Variants in DGKB observed in about 807,000 individuals in gnomAD.
The protein encoded by DGKB is 90 kDa diacylglycerol kinase.
Under a neutral mutation model 114.3 loss-of-function variants are expected in DGKB, and 67 were observed. The ratio of observed to expected loss-of-function variants is 0.59; its 90% CI spans 0.48 to 0.72. The LOEUF (loss-of-function observed/expected upper bound fraction) is 0.72. Among genes scored for constraint, DGKB ranks in the 30% least tolerant of loss-of-function variants. DGKB has a pLI of 0.00. For synonymous variants in DGKB, 398 were observed against 323.1 expected (o/e 1.23, Z -2.49); for missense variants, 907 against 975.2 (o/e 0.93, Z 0.93).
chr7:14,868,825 C>T (rs1180154150), intron 1 of DGKB, among the ~76,000 whole-genome samples: 1 of 152,078 alleles, frequency 6.6e-6, no homozygotes, highest in African/African-American at 2.4e-5. Flanking sequence ...GGCAATACTT[C>T]AGAATCTAGC....
intron 20 of DGKB, among the ~76,000 whole-genome samples, chr7:14,507,706 G>A (rs781329201): frequency 1.3e-5 from 2 of 152,114 alleles, no homozygotes; most frequent in Non-Finnish European, 2.9e-5. Context: ...GCTACGTCTT[G>A]CAGCATTCTA....
chr7:14,259,666 T>C (rs765735414), intron 23 of DGKB, among the ~76,000 whole-genome samples: 1 of 152,142 alleles, frequency 6.6e-6, no homozygotes, highest in Non-Finnish European at 1.5e-5. Context: ...CCTCAGGTGA[T>C]CCACCCACCT....
intron 2 of DGKB, among the ~76,000 whole-genome samples, chr7:14,830,763 G>C (rs552386677): frequency 1.4e-4 from 21 of 152,182 alleles, no homozygotes; most frequent in African/African-American, 4.8e-4. Context: ...GAGTTTTCAA[G>C]GCATTTTACA....
chr7:14,734,294 C>A (rs991973076), intron 5 of DGKB, among the ~76,000 whole-genome samples: 6 of 152,074 alleles, frequency 3.9e-5, no homozygotes, highest in African/African-American at 1.2e-4. Context: ...CCACCTCAGC[C>A]TCCGAAAGTG....
chr7:14,640,984 G>A (rs529080271), intron 13 of DGKB, among the ~76,000 whole-genome samples: 1 of 152,098 alleles, frequency 6.6e-6, no homozygotes, highest in Non-Finnish European at 1.5e-5. Context: ...ATTAGCTCTA[G>A]ATATATGCCT....
At chr7:14,183,680 T>C (rs1163368347) in intron 23 of DGKB, among the ~76,000 whole-genome samples, 2 of 152,208 alleles carry the variant, frequency 1.3e-5, no homozygotes, top group South Asian at 2.1e-4. Flanking sequence ...TTCAAGTCTT[T>C]ACATAGAATT....
At chr7:14,489,657 A>G (rs900113085) in intron 20 of DGKB, among the ~76,000 whole-genome samples, 4 of 152,204 alleles carry the variant, frequency 2.6e-5, no homozygotes, top group Non-Finnish European at 5.9e-5. Flanking sequence ...TCAAAACCTC[A>G]TGTGCGTTTG....
At chr7:14,343,938 A>AAT (rs970694620) in intron 22 of DGKB, among the ~76,000 whole-genome samples, 7 of 147,604 alleles carry the variant, frequency 4.7e-5, no homozygotes, top group Admixed American at 3.4e-4. Flanking sequence ...TATTATATAT[A>AAT]ATATATATAA....
At chr7:14,201,105 G>A (rs1246504800) in intron 23 of DGKB, among the ~76,000 whole-genome samples, 1 of 151,942 alleles carries the variant, frequency 6.6e-6, no homozygotes, top group Non-Finnish European at 1.5e-5. Flanking sequence ...CAGTTCTGGA[G>A]GCTGGAAATC....
At chr7:14,822,614 G>A (rs1007339027) in intron 2 of DGKB, among the ~76,000 whole-genome samples, 1 of 152,080 alleles carries the variant, frequency 6.6e-6, no homozygotes, top group Non-Finnish European at 1.5e-5. Flanking sequence ...GATATGTTTG[G>A]TCAAGCTGTT....
At chr7:14,364,415 GAAGA>G (rs1286698733) in intron 21 of DGKB, among the ~76,000 whole-genome samples, 1 of 151,158 alleles carries the variant, frequency 6.6e-6, no homozygotes, top group East Asian at 2.0e-4. Context: ...AAGAAAGAAG[GAAGA>G]AAGGAAGGAA....
At chr7:14,294,281 C>T (rs1031366835) in intron 23 of DGKB, among the ~76,000 whole-genome samples, 9 of 152,102 alleles carry the variant, frequency 5.9e-5, no homozygotes, top group Non-Finnish European at 1.2e-4. Flanking sequence ...CATCTGCAAC[C>T]TCAATTCTCC....
intron 1 of DGKB, among the ~76,000 whole-genome samples, chr7:14,872,064 G>A (rs1852550547): frequency 6.6e-6 from 1 of 152,026 alleles, no homozygotes; most frequent in African/African-American, 2.4e-5. Context: ...AGGGCAAAGT[G>A]GTGATTCACT....
chr7:14,274,534 T>A (rs1798718835), intron 23 of DGKB, among the ~76,000 whole-genome samples: 1 of 152,186 alleles, frequency 6.6e-6, no homozygotes, highest in Non-Finnish European at 1.5e-5. Flanking sequence ...TTTCTCACTC[T>A]GTATTGTTTC....
At chr7:14,680,231 A>T (rs1563888507) in intron 12 of DGKB, among the ~76,000 whole-genome samples, 2 of 151,826 alleles carry the variant, frequency 1.3e-5, no homozygotes, top group Non-Finnish European at 2.9e-5. Context: ...TGACTTATTT[A>T]TTAATAATTT....
intron 23 of DGKB, among the ~76,000 whole-genome samples, chr7:14,316,201 C>A (rs1012580945): frequency 3.9e-5 from 6 of 152,064 alleles, no homozygotes; most frequent in East Asian, 1.9e-4. Flanking sequence ...AAAACTGACA[C>A]CCTAACATCA....
rs1376585662 is a variant in DGKB at position 14,682,744 on chromosome 7, C to T, written c.918+9G>A. 1 of 1,612,586 alleles carries T rather than the reference C, an allele frequency of 6.2e-7. No individual in the cohort carries two copies. The highest frequency in any genetic ancestry group is 2.2e-5 in the East Asian group (1 of 44,854). ...CACCTTCAGAAAGCAAGCATGCACA[C>T]AAACTTACATCAGTGTTCCTTTTGG... On this transcript the variant is annotated intron_variant, in intron 11 of 25. Coordinates refer to ENST00000402815, the MANE Select transcript of DGKB (RefSeq NM_001350709.2).
At chr7:14,942,676 T>C (rs1001937697) in intron 1 of DGKB, among the ~76,000 whole-genome samples, 54 of 151,962 alleles carry the variant, frequency 3.6e-4, no homozygotes, top group African/African-American at 1.2e-3. Flanking sequence ...CCAAACATGC[T>C]TCCCTTTCAG....
chr7:14,780,364 C>T (rs957688659), intron 2 of DGKB, among the ~76,000 whole-genome samples: 6 of 152,088 alleles, frequency 3.9e-5, no homozygotes, highest in African/African-American at 1.2e-4. Context: ...AACACATTTC[C>T]GTATTTTGCC....
Sources: allele counts gnomAD v4.1 joint callset (sites outside exome capture counted in the v4.1 genomes callset), GRCh38; gene constraint gnomAD v4.1.1; transcripts MANE v1.5; gene names NCBI Gene and HGNC (gene_info 2026-07-23, HGNC 2026-07-21).